ANKS1A: variants seen among roughly 807,000 people sequenced by gnomAD.
ANKS1A encodes ankyrin repeat and SAM domain-containing protein 1A.
ANKS1A carries 55 observed loss-of-function variants against 120.3 expected under a neutral mutation model. The ratio of observed to expected loss-of-function variants is 0.46; its 90% CI spans 0.37 to 0.57. The LOEUF is 0.57. Among genes scored for constraint, ANKS1A ranks in the 20% least tolerant of loss-of-function variants. The probability of loss-of-function intolerance (pLI) is 0.00; values close to 1 mark genes in which losing one functional copy is unlikely to be tolerated. For missense variants in ANKS1A, 1,123 were observed against 1,480.3 expected, an observed-to-expected ratio of 0.76 and a Z score of 3.96; for synonymous variants, 590 against 604.7, an observed-to-expected ratio of 0.98 and a Z score of 0.36.
In ANKS1A at chr6:35,090,933, C is replaced by T. The variant is rs947631237; in HGVS notation, c.*2324C>T. 2.0e-5 allele frequency: 20 copies of T among 985,688 alleles called. No individual in the cohort carries two copies. In the East Asian group the frequency reaches 1.4e-3, roughly 67 times the overall value. The allele number at this position is 985,688 out of a possible 1,614,324, so 61.1% of individuals were successfully genotyped here. On this transcript the variant is annotated 3_prime_UTR_variant, in exon 24 of 24. Transcript: ENST00000360359. ...CAGGCTCTGCGTGTGCAGCTCTCTGCGTCCCTCCTGGGCCCTCCAGCGTCA... is the reference window on the plus strand; with the variant it reads ...CAGGCTCTGCGTGTGCAGCTCTCTGTGTCCCTCCTGGGCCCTCCAGCGTCA...
intron 1 of ANKS1A, among the ~76,000 whole-genome samples, chr6:34,953,529 T>C (rs1304337616): frequency 2.6e-5 from 4 of 152,218 alleles, no homozygotes; most frequent in African/African-American, 2.4e-5. Flanking sequence ...GATCCCACAC[T>C]CTTCCCACTG....
At chr6:35,081,277 A>G (rs2257663) in intron 17 of ANKS1A, 119 bp downstream of exon 17, 595,344 of 1,334,674 alleles carry the variant, frequency 0.45, 138,740 homozygotes, top group Middle Eastern at 0.5. Flanking sequence ...CACCAGAGTC[A>G]GGAGGCACTA....
chr6:34,931,948 C>CA (rs1482163011), intron 1 of ANKS1A, among the ~76,000 whole-genome samples: 1 of 152,184 alleles, frequency 6.6e-6, no homozygotes, highest in East Asian at 1.9e-4. Context: ...ATTACAGATA[C>CA]AAATCTGTAT....
chr6:35,068,756 G>A (rs751435929), intron 13 of ANKS1A, among the ~76,000 whole-genome samples: 6 of 152,170 alleles, frequency 3.9e-5, no homozygotes, highest in Non-Finnish European at 5.9e-5. Flanking sequence ...TTCTTCTCTT[G>A]CAAGAGAGGA....
Position 35,081,035 on chromosome 6 carries a change from G to A in ANKS1A, c.2586G>A (p.Gln862=), listed in dbSNP as rs1327049253. Reference sequence around the variant, plus strand: ...CCCAGACGTCATCCCCACTGAGTCAGAATGATTCCTGCACTGGGCGGTCGG... The same window carrying A: ...CCCAGACGTCATCCCCACTGAGTCAAAATGATTCCTGCACTGGGCGGTCGG... ...LLSQTSSPLS[Q]NDSCTGRSAD... The change falls in exon 17 of 24, where the codon CAG becomes CAA. Residue 862 remains glutamine (Q), a synonymous_variant. Transcript: ENST00000360359. The A allele has an allele frequency of 1.2e-6, 2 of 1,613,966 alleles. No homozygotes were observed. The highest frequency in any genetic ancestry group is 1.7e-6 in the Non-Finnish European group (2 of 1,179,992).
At position 34,909,264 on chromosome 6, in the gene ANKS1A, C is replaced by A. The variant is rs76117834; in HGVS notation, c.197+19665C>A. Among the ~76,000 whole-genome samples the A allele has an allele frequency of 5.4e-3, 823 of 152,318 alleles. 4 individuals are homozygous for A. The highest frequency in any genetic ancestry group is 0.014 in the Middle Eastern group (4 of 294). ...ACATTCCCAGACTTAAATAAATTCT[C>A]CCGTAAAACACAGACCTGGGCTTAT... is the stretch of plus-strand genomic sequence containing the variant. On this transcript the variant is annotated intron_variant, in intron 1 of 23. Coordinates refer to ENST00000360359, the MANE Select transcript of ANKS1A (RefSeq NM_015245.3).
chr6:34,974,216 C>T (rs1461523773), intron 3 of ANKS1A, among the ~76,000 whole-genome samples: 1 of 10,854 alleles, frequency 9.2e-5, no homozygotes, highest in Non-Finnish European at 1.7e-4. Context: ...CCCTTCCCTT[C>T]CCCTTCCCCT....
At position 35,091,184 on chromosome 6, in the gene ANKS1A, CTTTTG is replaced by C. The variant is rs1778288332; in HGVS notation, c.*2580_*2584del. 1.0e-6 allele frequency: 1 copy of C among 985,738 alleles called. No homozygotes were observed. Among genetic ancestry groups the C allele is most frequent in the Non-Finnish European group, 1.2e-6 (1 of 829,948 alleles). The allele number at this position is 985,738 out of a possible 1,614,324, so 61.1% of individuals were successfully genotyped here. A position where few individuals can be genotyped will look rare whatever the true frequency, so the allele number is the denominator to read the frequency against. ...TATTTTGATACTTGAATGACTTTCC[CTTTTG>C]TTTTACTGTATATAAAATTGTTAAT... On this transcript the variant is annotated 3_prime_UTR_variant, in exon 24 of 24. Coordinates refer to ENST00000360359, the MANE Select transcript of ANKS1A (RefSeq NM_015245.3).
chr6:35,059,126 G>GAA (rs1283500194), intron 12 of ANKS1A, among the ~76,000 whole-genome samples: 14 of 152,204 alleles, frequency 9.2e-5, no homozygotes. Flanking sequence ...CTTTCTACCT[G>GAA]AGCAGGCAGG....
intron 1 of ANKS1A, among the ~76,000 whole-genome samples, chr6:34,952,728 A>G (rs1274801292): frequency 2.0e-5 from 3 of 149,376 alleles, no homozygotes; most frequent in Admixed American, 6.7e-5. Context: ...TTTTTTTTCC[A>G]AGACGGAATC....
At chr6:34,894,864 T>C (rs1034587196) in intron 1 of ANKS1A, among the ~76,000 whole-genome samples, 1 of 152,166 alleles carries the variant, frequency 6.6e-6, no homozygotes, top group African/African-American at 2.4e-5. Context: ...GCTTAATTTC[T>C]CAAGCATGAG....
chr6:35,006,723 C>T (rs989959740), intron 10 of ANKS1A, among the ~76,000 whole-genome samples: 6 of 152,196 alleles, frequency 3.9e-5, no homozygotes, highest in Admixed American at 6.5e-5. Flanking sequence ...CCACTGCACT[C>T]CAGCCTGGGT....
rs1013595269 is a variant in ANKS1A, at chr6:35,082,646, T to A, written c.2710-45T>A. On this transcript the variant is annotated intron_variant, in intron 17 of 23. Transcript: ENST00000360359. The surrounding 1 kb of genome is among the most constrained non-coding windows in gnomAD (Gnocchi z 4.1). ...GGAGCCAGGCAGCAAGCCCATGTGC[T>A]CCTCTGGAGCAAGGAGCAGGTGTCC... 6.4e-7 allele frequency: 1 copy of A among 1,561,108 alleles called. No individual in the cohort carries two copies. The highest frequency in any genetic ancestry group is 1.9e-5 in the Admixed American group (1 of 53,530).
intron 11 of ANKS1A, among the ~76,000 whole-genome samples, chr6:35,038,911 T>C (rs990785571): frequency 6.6e-6 from 1 of 152,244 alleles, no homozygotes; most frequent in Non-Finnish European, 1.5e-5. Flanking sequence ...TCACAGGAAG[T>C]TGTAGAAATA....
chr6:35,045,023 C>G (rs967320709), intron 11 of ANKS1A, among the ~76,000 whole-genome samples: 1 of 152,178 alleles, frequency 6.6e-6, no homozygotes, highest in Non-Finnish European at 1.5e-5. Context: ...TGGGAAATGG[C>G]AGGGACTAAA....
intron 1 of ANKS1A, among the ~76,000 whole-genome samples, chr6:34,936,231 C>A (rs1409208454): frequency 1.3e-5 from 2 of 152,132 alleles, no homozygotes; most frequent in African/African-American, 4.8e-5. Flanking sequence ...CCAGCTCTTA[C>A]CTTCAATGGA....
chr6:35,038,627 G>A (rs986728891), intron 11 of ANKS1A, among the ~76,000 whole-genome samples: 31 of 151,968 alleles, frequency 2.0e-4, no homozygotes, highest in African/African-American at 7.0e-4. Flanking sequence ...GACTATAGGC[G>A]TGCGCCACCA....
chr6:35,001,411 GCCCTGATTGT>G (rs1211619005), intron 10 of ANKS1A, among the ~76,000 whole-genome samples: 1 of 114,302 alleles, frequency 8.7e-6, no homozygotes, highest in African/African-American at 2.5e-5. Context: ...CAGGCCAGAG[GCCCTGATTGT>G]CCCTCTTCCA....
At chr6:35,031,870 C>T (rs1170929415) in intron 11 of ANKS1A, among the ~76,000 whole-genome samples, 1 of 152,178 alleles carries the variant, frequency 6.6e-6, no homozygotes, top group Non-Finnish European at 1.5e-5. Context: ...ATTTTTCCAG[C>T]TCAGTTAATT....
Sources: gnomAD v4.1 joint callset for allele counts (sites outside exome capture counted in the v4.1 genomes callset) on GRCh38, gnomAD v4.1.1 for gene constraint, Gnocchi (gnomAD v3.1) non-coding constraint, MANE v1.5 for transcripts, NCBI Gene and HGNC (gene_info 2026-07-23, HGNC 2026-07-21) for gene names.